The following UBLCP1 variants were observed in gnomAD, a reference collection of about 807,000 sequenced individuals.
UBLCP1 encodes ubiquitin like domain containing CTD phosphatase 1.
In UBLCP1, 28 loss-of-function variants were observed where a neutral mutation model predicts 42.4. The observed-to-expected ratio is 0.66, with a 90% CI of 0.49 to 0.90. The LOEUF is 0.90. Ranked by LOEUF, UBLCP1 falls within the 40% of genes least tolerant of loss-of-function variation. UBLCP1 has a pLI of 0.00. For missense variants in UBLCP1, 279 were observed against 374.5 expected (o/e 0.75, Z 2.10); for synonymous variants, 122 against 120.8 (o/e 1.01, Z -0.07).
At chr5:159,277,906 G>A (rs1753557617) in intron 8 of UBLCP1, among the ~76,000 whole-genome samples, 1 of 152,166 alleles carries the variant, frequency 6.6e-6, no homozygotes, top group African/African-American at 2.4e-5. Context: ...AGGAAGTCAT[G>A]TGACTGCATA....
chr5:159,268,974 C>T lies in UBLCP1; in HGVS notation c.59C>T (p.Ser20Leu). The change falls in exon 2 of 11, where the codon TCA becomes TTA. Residue 20 changes from serine (S) to leucine (L), a missense_variant. Ser to Leu is a moderately radical substitution (Grantham distance 145). Coordinates refer to ENST00000296786, the MANE Select transcript of UBLCP1 (RefSeq NM_145049.5). ...GGQEYSVTTLSEDDTVLDLKQ... is the reference protein window; with the variant it reads ...GGQEYSVTTLLEDDTVLDLKQ... ...CAGGAGTATTCAGTGACCACACTTT[C>T]AGAAGATGATACTGTGCTCGATCTC... 1 of 1,612,232 alleles carries T rather than the reference C, an allele frequency of 6.2e-7. No individual in the cohort carries two copies. Among genetic ancestry groups the T allele is most frequent in the South Asian group, 1.1e-5 (1 of 90,596 alleles).
At chr5:159,270,858 A>G (rs1753456519) in intron 5 of UBLCP1, among the ~76,000 whole-genome samples, 1 of 149,170 alleles carries the variant, frequency 6.7e-6, no homozygotes, top group African/African-American at 2.5e-5. Flanking sequence ...CACTCTTAGT[A>G]ATTTGATATA....
chr5:159,272,880 T>C (rs917303865), intron 6 of UBLCP1, among the ~76,000 whole-genome samples: 2 of 152,306 alleles, frequency 1.3e-5, no homozygotes, highest in African/African-American at 4.8e-5. Flanking sequence ...GTAGCAAGAT[T>C]TTCTTGGAAA....
Position 159,270,537 on chromosome 5 carries a change from C to A in UBLCP1, c.342C>A (p.Asn114Lys). The A allele has an allele frequency of 6.2e-7, 1 of 1,609,026 alleles. No individual in the cohort carries two copies. Among genetic ancestry groups the A allele is most frequent in the Non-Finnish European group, 8.5e-7 (1 of 1,178,340 alleles). The change falls in exon 5 of 11, where the codon AAC becomes AAA. Residue 114 changes from asparagine (N) to lysine (K), a missense_variant. Asn to Lys is a moderately conservative substitution (Grantham distance 94, BLOSUM62 0). Coordinates refer to ENST00000296786, the MANE Select transcript of UBLCP1 (RefSeq NM_145049.5). ...EVVEVENREE[N>K]LLKISRRVKE... ...ATATGTTTTCCATTAGGGAAGAAAACCTACTGAAAATTTCTCGCAGAGTGA... is the reference window on the plus strand; with the variant it reads ...ATATGTTTTCCATTAGGGAAGAAAAACTACTGAAAATTTCTCGCAGAGTGA...
At chr5:159,274,655 T>C in intron 7 of UBLCP1, 33 bp downstream of exon 7, 1 of 1,579,708 alleles carries the variant, frequency 6.3e-7, no homozygotes, top group Non-Finnish European at 8.7e-7. Context: ...TTTAAAAATA[T>C]TTTCAAACTG....
At chr5:159,267,319 C>T (rs747402736) in intron 1 of UBLCP1, among the ~76,000 whole-genome samples, 10 of 152,298 alleles carry the variant, frequency 6.6e-5, no homozygotes, top group Admixed American at 2.0e-4. Context: ...GGATTTCGGA[C>T]TTGCATGGGC....
At position 159,272,035 on chromosome 5, in the gene UBLCP1, G is replaced by A. The variant is rs770822762; in HGVS notation, c.461G>A (p.Cys154Tyr). The A allele has an allele frequency of 1.2e-5, 19 of 1,612,882 alleles. No homozygotes were observed. The highest frequency in any genetic ancestry group is 5.1e-6 in the Non-Finnish European group (6 of 1,179,550). Residue 154 changes from cysteine (C) to tyrosine (Y), a missense_variant, in exon 6 of 11, where the codon TGT becomes TAT. Cys to Tyr is a radical substitution (Grantham distance 194). Coordinates refer to ENST00000296786, the MANE Select transcript of UBLCP1 (RefSeq NM_145049.5). ...VDYTLFDHRS[C>Y]AETGVELMRP... ...AATTTTCTTTTAGACCACAGGTCTT[G>A]TGCAGAGACTGGGGTAGAATTAATG...
rs914482901 is a variant in UBLCP1, at chr5:159,263,305, C to T, written c.-102C>T. 4 of 152,456 alleles carry T rather than the reference C, an allele frequency of 2.6e-5. No individual in the cohort carries two copies. The highest frequency in any genetic ancestry group is 1.3e-4 in the Admixed American group (2 of 15,304). 9.4% of individuals were successfully genotyped at this position (152,456 alleles called of 1,614,324 possible). ...CCCGCCCTTCACTTCCGGTCGCTTT[C>T]GGTCTCTCAGCGGCCGGTTTCTGCG... is the stretch of plus-strand genomic sequence containing the variant. On this transcript the variant is annotated 5_prime_UTR_variant, in exon 1 of 11. Transcript: ENST00000296786.
intron 6 of UBLCP1, 94 bp downstream of exon 6, chr5:159,272,215 T>A: frequency 1.0e-6 from 1 of 986,556 alleles, no homozygotes; most frequent in Non-Finnish European, 1.5e-6. Context: ...GACCTGTGTT[T>A]AAATATGAAA....
In UBLCP1 at chr5:159,270,378, C is replaced by T; in HGVS notation, c.265C>T (p.Pro89Ser). The change falls in exon 4 of 11, where the codon CCC becomes TCC. Residue 89 changes from proline (P) to serine (S), a missense_variant. Physicochemically the swap from Pro to Ser is moderately conservative, Grantham distance 74. Transcript: ENST00000296786. ...TTAATAGGAAGATGTCTTAGGTCCA[C>T]CCCCTGACAATGATGATGTTGTTAA... ...EESLEDVLGP[P>S]PDNDDVVNDF... 1 of 1,613,048 alleles carries T rather than the reference C, an allele frequency of 6.2e-7. No individual in the cohort carries two copies. The highest frequency in any genetic ancestry group is 8.5e-7 in the Non-Finnish European group (1 of 1,179,432).
intron 1 of UBLCP1, among the ~76,000 whole-genome samples, chr5:159,267,282 G>A (rs546316408): frequency 1.2e-4 from 19 of 152,276 alleles, no homozygotes; most frequent in Admixed American, 4.6e-4. Context: ...AGATCATTTC[G>A]GAGCTTTAAC....
At chr5:159,268,543 A>T (rs968565972) in intron 1 of UBLCP1, among the ~76,000 whole-genome samples, 2 of 152,236 alleles carry the variant, frequency 1.3e-5, no homozygotes, top group Non-Finnish European at 2.9e-5. Context: ...ATGAACATGG[A>T]TGGTCTGTCA....
intron 9 of UBLCP1, among the ~76,000 whole-genome samples, chr5:159,281,227 T>C (rs1324184366): frequency 6.6e-6 from 1 of 152,234 alleles, no homozygotes; most frequent in Non-Finnish European, 1.5e-5. Context: ...CCACCAACCC[T>C]GTAATTTCCT....
intron 2 of UBLCP1, 130 bp from the exon 3 acceptor site, chr5:159,269,778 G>GA (rs1395763773): frequency 2.8e-6 from 2 of 723,022 alleles, no homozygotes; most frequent in African/African-American, 3.6e-5. Context: ...GTTAATGTAG[G>GA]AAAAAACAAA....
intron 9 of UBLCP1, 38 bp from the exon 10 acceptor site, chr5:159,283,174 A>C: frequency 6.4e-7 from 1 of 1,570,546 alleles, no homozygotes. Flanking sequence ...TTTCCTTATC[A>C]CATTGTGATG....
Position 159,270,599 on chromosome 5 carries a change from A to G in UBLCP1, c.404A>G (p.Glu135Gly). 6.2e-7 allele frequency: 1 copy of G among 1,610,174 alleles called. No homozygotes were observed. Among genetic ancestry groups the G allele is most frequent in the South Asian group, 1.1e-5 (1 of 89,996 alleles). Reference protein sequence around the residue: ...YKVEILNPPREGKKLLVLDVD... With the variant: ...YKVEILNPPRGGKKLLVLDVD... ...GTGGAAATTTTGAATCCTCCCAGGG[A>G]AGGGAAAAAGCTTTTGGTGCTAGAT... Residue 135 changes from glutamate to glycine, a missense_variant, in exon 5 of 11, where the codon GAA (glutamate) becomes GGA (glycine). By Grantham distance (98) the Glu-to-Gly change is moderately conservative (BLOSUM62 -2). Transcript: ENST00000296786.
intron 1 of UBLCP1, among the ~76,000 whole-genome samples, chr5:159,264,111 G>C (rs1584735895): frequency 6.6e-6 from 1 of 152,336 alleles, no homozygotes; most frequent in African/African-American, 2.4e-5. Flanking sequence ...CTCCTGTCCA[G>C]TGAATATTAG....
chr5:159,282,520 CT>C (rs1375535254), intron 9 of UBLCP1, among the ~76,000 whole-genome samples: 1 of 152,100 alleles, frequency 6.6e-6, no homozygotes, highest in African/African-American at 2.4e-5. Flanking sequence ...GTATTCCTTA[CT>C]AATTGCAGTC....
At chr5:159,272,568 T>C (rs1753483035) in intron 6 of UBLCP1, among the ~76,000 whole-genome samples, 2 of 152,230 alleles carry the variant, frequency 1.3e-5, no homozygotes, top group Admixed American at 1.3e-4. Context: ...TTCTGATCTT[T>C]GCTGTGAAAT....
Sources: allele counts gnomAD v4.1 joint callset (sites outside exome capture counted in the v4.1 genomes callset), GRCh38; gene constraint gnomAD v4.1.1; transcripts MANE v1.5; gene names NCBI Gene and HGNC (gene_info 2026-07-23, HGNC 2026-07-21).